IGSF9B: variants seen among roughly 807,000 people sequenced by gnomAD.
The protein encoded by IGSF9B is protein turtle homolog B.
A neutral mutation model predicts 143.7 loss-of-function variants in IGSF9B; 48 were observed. The ratio of observed to expected loss-of-function variants is 0.33; its 90% CI spans 0.26 to 0.42. IGSF9B has a LOEUF of 0.42. Among genes scored for constraint, IGSF9B ranks in the 20% least tolerant of loss-of-function variants. The pLI is 1.00. For missense variants in IGSF9B, 1,706 were observed against 1,980.0 expected (o/e 0.86, Z 2.63); for synonymous variants, 903 against 833.1 (o/e 1.08, Z -1.44).
Position 133,928,296 on chromosome 11 carries a change from C to A in IGSF9B, c.1632-1205G>T, listed in dbSNP as rs867200775. ...GCTGGTTAGGGCCCCCACGCTGCTGCGGGAGGAACAGAGTAAGGGGACGGG... is the reference window on the plus strand; with the variant it reads ...GCTGGTTAGGGCCCCCACGCTGCTGAGGGAGGAACAGAGTAAGGGGACGGG... On this transcript the variant is annotated intron_variant, in intron 12 of 19. Coordinates refer to ENST00000533871, the MANE Select transcript of IGSF9B (RefSeq NM_001277285.4). This position sits in a 1 kb window ranked among gnomAD's most constrained non-coding sequence, Gnocchi z 4.7. Among the ~76,000 whole-genome samples, 2 of 152,142 alleles carry A rather than the reference C, an allele frequency of 1.3e-5. No homozygotes were observed. The highest frequency in any genetic ancestry group is 2.9e-5 in the Non-Finnish European group (2 of 68,020).
intron 11 of IGSF9B, 137 bp downstream of exon 11, chr11:133,930,847 G>C: frequency 1.1e-6 from 1 of 892,202 alleles, no homozygotes; most frequent in Admixed American, 3.2e-5. Context: ...TGGACGCGGA[G>C]TTCAGGGCTG....
intron 11 of IGSF9B, 115 bp downstream of exon 11, chr11:133,930,869 G>T: frequency 1.8e-6 from 2 of 1,105,156 alleles, no homozygotes; most frequent in Non-Finnish European, 2.5e-6. Context: ...ACTGACTTAG[G>T]AAGGGAGCCC....
rs1029348390 is a variant in IGSF9B, at chr11:133,907,342, C to G, written c.*1727G>C. Among the ~76,000 whole-genome samples the G allele has an allele frequency of 6.6e-6, 1 of 152,242 alleles. No homozygotes were observed. Among genetic ancestry groups the G allele is most frequent in the Admixed American group, 6.5e-5 (1 of 15,290 alleles). Reference sequence around the variant, plus strand: ...TCCAAGGCCTCATCCTGCGAGGTCACTGGGCCAAGCCCATGGCAGCTGCAT... The same window carrying G: ...TCCAAGGCCTCATCCTGCGAGGTCAGTGGGCCAAGCCCATGGCAGCTGCAT... On this transcript the variant is annotated 3_prime_UTR_variant, in exon 20 of 20. Coordinates refer to ENST00000533871, the MANE Select transcript of IGSF9B (RefSeq NM_001277285.4).
At position 133,904,111 on chromosome 11, in the gene IGSF9B, T is replaced by C. The variant is rs748578125; in HGVS notation, c.*4958A>G. Among the ~76,000 whole-genome samples, 4 of 152,110 alleles carry C rather than the reference T, an allele frequency of 2.6e-5. No individual in the cohort carries two copies. The highest frequency in any genetic ancestry group is 1.5e-5 in the Non-Finnish European group (1 of 68,026). ...AAGAGAAGGCCTCACGAAGCCACTGTGCAACTTCATGGCCGGAAGGAAGCC... is the reference window on the plus strand; with the variant it reads ...AAGAGAAGGCCTCACGAAGCCACTGCGCAACTTCATGGCCGGAAGGAAGCC... On this transcript the variant is annotated 3_prime_UTR_variant, in exon 20 of 20. Transcript: ENST00000533871.
chr11:133,937,789 C>A, intron 4 of IGSF9B, 21 bp downstream of exon 4: 2 of 1,604,450 alleles, frequency 1.2e-6, no homozygotes, highest in Non-Finnish European at 1.7e-6. Flanking sequence ...CGCAGCGGCC[C>A]CAACCTAGAA....
intron 17 of IGSF9B, 61 bp downstream of exon 17, chr11:133,922,116 G>T: frequency 7.2e-7 from 1 of 1,396,344 alleles, no homozygotes; most frequent in East Asian, 2.3e-5. Flanking sequence ...TAAGGCGAGC[G>T]GTCTACCTAT....
intron 18 of IGSF9B, chr11:133,919,129 T>TGGG (rs756305133): frequency 2.1e-4 from 37 of 175,916 alleles, no homozygotes; most frequent in East Asian, 5.1e-4. Flanking sequence ...GGGGGGGGGG[T>TGGG]GGGGGACGTG....
rs140137846 is a variant in IGSF9B, at chr11:133,906,905, C to T, written c.*2164G>A. Among the ~76,000 whole-genome samples the T allele has an allele frequency of 7.9e-4, 121 of 152,248 alleles. 1 individual carries two copies. The highest frequency in any genetic ancestry group is 2.5e-3 in the African/African-American group (103 of 41,544). Reference sequence around the variant, plus strand: ...TCCCACCCCAACACCTCAGGTAAGCCGGCTCCCGTCATCCCCCAGGAGAGA... The same window carrying T: ...TCCCACCCCAACACCTCAGGTAAGCTGGCTCCCGTCATCCCCCAGGAGAGA... On this transcript the variant is annotated 3_prime_UTR_variant, in exon 20 of 20. Transcript: ENST00000533871.
At chr11:133,922,253 G>C (rs1231221900) in intron 16 of IGSF9B, 31 bp from the exon 17 acceptor site, 1 of 1,602,790 alleles carries the variant, frequency 6.2e-7, no homozygotes, top group South Asian at 1.1e-5. Flanking sequence ...AGAGGCTGCT[G>C]AGGCCAAGCC....
Position 133,919,961 on chromosome 11 carries a change from G to T in IGSF9B, c.3764C>A (p.Thr1255Lys). 6.4e-7 allele frequency: 1 copy of T among 1,564,810 alleles called. No individual in the cohort carries two copies. The stretch of plus-strand genomic sequence containing the variant: ...GCGGCTGCTCTGGGAGGGGGAGCCT[G>T]TGGACGGCGTAGACTTTCGAGAAAA... Reference protein sequence around the residue: ...VSFSRKSTPSTGSPSQSSRSG... With the variant: ...VSFSRKSTPSKGSPSQSSRSG... The change falls in exon 18 of 20, where the codon ACA (threonine) becomes AAA (lysine). Residue 1255 changes from threonine (T) to lysine (K), a missense_variant. Around this residue, in one of 7 missense-constraint regions of IGSF9B, gnomAD observed 880 missense variants for 762.9 expected, o/e 1.15. Transcript: ENST00000533871.
chr11:133,953,689 G>A lies in IGSF9B; in HGVS notation c.64+3002C>T, dbSNP rs1237253588. Among the ~76,000 whole-genome samples the A allele has an allele frequency of 1.3e-5, 2 of 152,204 alleles. No homozygotes were observed. Among genetic ancestry groups the A allele is most frequent in the Non-Finnish European group, 2.9e-5 (2 of 68,040 alleles). ...GACAGAATCTGTGGCAGACAGAGGA[G>A]GCAGCCGTGGGAGTAAAGTCTGGGA... On this transcript the variant is annotated intron_variant, in intron 1 of 19. Transcript: ENST00000533871. The surrounding 1 kb of genome is among the most constrained non-coding windows in gnomAD (Gnocchi z 4.2).
chr11:133,946,074 G>A lies in IGSF9B; in HGVS notation c.249C>T (p.Asp83=). Residue 83 remains aspartate, a synonymous_variant, in exon 2 of 20, where the codon GAC becomes GAT. Transcript: ENST00000533871. ...IKFGYYPPHV[D]PEYAGRASLH... ...CCCAGACCTTACCTGCATACTCAGG[G>A]TCCACGTGCGGCGGGTAGTAGCCAA... 1.3e-6 allele frequency: 2 copies of A among 1,582,890 alleles called. No homozygotes were observed. The highest frequency in any genetic ancestry group is 1.7e-6 in the Non-Finnish European group (2 of 1,163,136).
At chr11:133,934,171 G>A (rs979664734) in intron 7 of IGSF9B, among the ~76,000 whole-genome samples, 4 of 152,164 alleles carry the variant, frequency 2.6e-5, no homozygotes, top group Admixed American at 1.3e-4. Context: ...TGGCGCTGGG[G>A]AGAGACAGGG....
At position 133,920,276 on chromosome 11, in the gene IGSF9B, G is replaced by A; in HGVS notation, c.3449C>T (p.Pro1150Leu). The A allele has an allele frequency of 6.5e-7, 1 of 1,528,250 alleles. No individual in the cohort carries two copies. Among genetic ancestry groups the A allele is most frequent in the African/African-American group, 1.4e-5 (1 of 72,086 alleles). 94.7% of individuals were successfully genotyped at this position (1,528,250 alleles called of 1,614,324 possible). ...QGMGIPVLPY[P>L]EPAEPGAHGG... ...GTGCGCCCCCGGCTCAGCCGGCTCG[G>A]GGTAAGGCAGCACAGGTATGCCCAT... is the stretch of plus-strand genomic sequence containing the variant. The change falls in exon 18 of 20, where the codon CCC (proline) becomes CTC (leucine). Residue 1150 changes from proline (P) to leucine (L), a missense_variant. By Grantham distance (98) the Pro-to-Leu change is moderately conservative (BLOSUM62 -3). Transcript: ENST00000533871.
At chr11:133,944,780 G>A (rs1940015556) in intron 2 of IGSF9B, among the ~76,000 whole-genome samples, 2 of 152,166 alleles carry the variant, frequency 1.3e-5, no homozygotes, top group South Asian at 4.1e-4. Flanking sequence ...AGCGCACCCG[G>A]GAGCACCTCC....
In IGSF9B at chr11:133,920,984, G is replaced by A. The variant is rs200136452; in HGVS notation, c.2741C>T (p.Pro914Leu). The change falls in exon 18 of 20, where the codon CCT becomes CTT. Residue 914 changes from proline (P) to leucine (L), a missense_variant. This residue lies in a region of IGSF9B where 880 missense variants were observed against 762.9 expected (regional missense o/e 1.15). Coordinates refer to ENST00000533871, the MANE Select transcript of IGSF9B (RefSeq NM_001277285.4). ...SVAALKSQLT[P>L]LSSSQESYLP... ...GTAGGACTCCTGGCTGGATGACAGA[G>A]GGGTGAGCTGGGACTTCAGGGCGGC... 4.4e-4 allele frequency: 709 copies of A among 1,610,938 alleles called. No individual in the cohort carries two copies. Among genetic ancestry groups the A allele is most frequent in the Non-Finnish European group, 5.4e-4 (633 of 1,178,068 alleles).
At chr11:133,925,164 C>T (rs1939601923) in intron 14 of IGSF9B, among the ~76,000 whole-genome samples, 1 of 152,180 alleles carries the variant, frequency 6.6e-6, no homozygotes, top group Non-Finnish European at 1.5e-5. Flanking sequence ...TCTCCAGGGC[C>T]ACTGGGAGCC....
intron 18 of IGSF9B, among the ~76,000 whole-genome samples, chr11:133,919,261 C>G (rs1370382551): frequency 6.6e-6 from 1 of 152,076 alleles, no homozygotes; most frequent in Non-Finnish European, 1.5e-5. Flanking sequence ...ACAGGAGGCC[C>G]CTGGCCTGGT....
intron 1 of IGSF9B, among the ~76,000 whole-genome samples, chr11:133,947,351 C>T (rs1591725870): frequency 6.6e-6 from 1 of 152,212 alleles, no homozygotes; most frequent in Non-Finnish European, 1.5e-5. Flanking sequence ...AAGCCTCACC[C>T]CCTTCATTCC....
Sources: allele counts gnomAD v4.1 joint callset (sites outside exome capture counted in the v4.1 genomes callset), GRCh38; gene constraint gnomAD v4.1.1; regional missense constraint gnomAD v4.1.1; non-coding constraint Gnocchi (gnomAD v3.1); transcripts MANE v1.5; gene names NCBI Gene and HGNC (gene_info 2026-07-23, HGNC 2026-07-21).